Variants in SLC26A7 observed in about 807,000 individuals in gnomAD.
The protein encoded by SLC26A7 is solute carrier family 26 member 7.
Under a neutral mutation model 82.5 loss-of-function variants are expected in SLC26A7, and 59 were observed. That is an observed-to-expected ratio of 0.72 (90% confidence interval 0.58 to 0.89). The LOEUF is 0.89. Ranked by LOEUF, SLC26A7 falls within the 40% of genes least tolerant of loss-of-function variation. SLC26A7 has a pLI of 0.00. For missense variants in SLC26A7, 820 were observed against 793.0 expected (o/e 1.03, Z -0.41); for synonymous variants, 271 against 274.3 (o/e 0.99, Z 0.12).
chr8:91,276,415 A>G (rs1586352201), intron 2 of SLC26A7, among the ~76,000 whole-genome samples: 1 of 152,182 alleles, frequency 6.6e-6, no homozygotes, highest in African/African-American at 2.4e-5. Context: ...ATTGATTTTT[A>G]GTGTGGCGCT....
intron 2 of SLC26A7, among the ~76,000 whole-genome samples, chr8:91,285,292 T>G (rs1484218915): frequency 1.5e-5 from 2 of 134,802 alleles, no homozygotes; most frequent in Non-Finnish European, 3.3e-5. Context: ...TTCATCTTCA[T>G]GTGGCATTCA....
chr8:91,383,542 G>A (rs754248919), intron 15 of SLC26A7, among the ~76,000 whole-genome samples: 2 of 152,160 alleles, frequency 1.3e-5, no homozygotes, highest in African/African-American at 2.4e-5. Flanking sequence ...TTGTAGTTGA[G>A]CGCATGATAG....
chr8:91,394,886 A>G (rs1808526729), intron 18 of SLC26A7, 176 bp from the exon 19 acceptor site: 2 of 382,598 alleles, frequency 5.2e-6, no homozygotes, highest in Non-Finnish European at 7.2e-6. Flanking sequence ...TTGCAGAGTC[A>G]GCAGTTTGAG....
chr8:91,308,405 T>C (rs756972200), intron 4 of SLC26A7, among the ~76,000 whole-genome samples: 9 of 140,950 alleles, frequency 6.4e-5, no homozygotes, highest in South Asian at 2.1e-4. Context: ...CATCTGTCTA[T>C]GCAACCCTTT....
intron 4 of SLC26A7, among the ~76,000 whole-genome samples, chr8:91,301,739 A>G (rs1267524651): frequency 6.7e-6 from 1 of 149,802 alleles, no homozygotes; most frequent in Non-Finnish European, 1.5e-5. Context: ...ATTTACCATT[A>G]TTTTATTGTT....
At chr8:91,239,903 G>A (rs766820117) in intron 2 of SLC26A7, among the ~76,000 whole-genome samples, 25 of 152,088 alleles carry the variant, frequency 1.6e-4, no homozygotes, top group African/African-American at 2.9e-4. Context: ...ATTCCTTTAC[G>A]TTTTTAATGT....
At chr8:91,394,728 T>A in intron 18 of SLC26A7, 1 of 1,090,844 alleles carries the variant, frequency 9.2e-7, no homozygotes, top group Non-Finnish European at 1.1e-6. Flanking sequence ...AGTGCCCTCA[T>A]TATATTCCAG....
intron 9 of SLC26A7, among the ~76,000 whole-genome samples, chr8:91,344,436 G>C (rs1813505890): frequency 6.6e-6 from 1 of 152,112 alleles, no homozygotes; most frequent in Non-Finnish European, 1.5e-5. Context: ...AATCAAATGA[G>C]AACTTTTAAA....
At chr8:91,313,959 T>C (rs935785019) in intron 4 of SLC26A7, among the ~76,000 whole-genome samples, 47 of 152,226 alleles carry the variant, frequency 3.1e-4, no homozygotes, top group African/African-American at 1.1e-3. Flanking sequence ...GACTGAAATC[T>C]GAGATACATT....
chr8:91,289,172 T>C lies in SLC26A7; in HGVS notation c.230T>C (p.Val77Ala), dbSNP rs1811794225. ...GCTGTTCTCTCATCTGTGCACCCAG[T>C]GTTTGGTTTATATGGGTCTCTGTTT... is the stretch of plus-strand genomic sequence containing the variant. ...AFAVLSSVHP[V>A]FGLYGSLFPA... Residue 77 changes from valine (V) to alanine (A), a missense_variant, in exon 3 of 19, where the codon GTG becomes GCG. Physicochemically the swap from Val to Ala is moderately conservative, Grantham distance 64. Transcript: ENST00000276609. 1 of 1,613,932 alleles carries C rather than the reference T, an allele frequency of 6.2e-7. No homozygotes were observed. Among genetic ancestry groups the C allele is most frequent in the Non-Finnish European group, 8.5e-7 (1 of 1,179,968 alleles).
chr8:91,363,357 G>A (rs1814101629), intron 12 of SLC26A7, 115 bp from the exon 13 acceptor site: 1 of 583,294 alleles, frequency 1.7e-6, no homozygotes, highest in Admixed American at 3.4e-5. Flanking sequence ...TGAGTTATAG[G>A]ATATAAATCA....
chr8:91,323,408 C>T (rs1812845383), intron 5 of SLC26A7, among the ~76,000 whole-genome samples: 1 of 152,142 alleles, frequency 6.6e-6, no homozygotes, highest in Non-Finnish European at 1.5e-5. Context: ...CTCTCCATCC[C>T]TCACAATTCA....
intron 2 of SLC26A7, among the ~76,000 whole-genome samples, chr8:91,265,825 A>AT (rs1811096849): frequency 6.6e-6 from 1 of 151,952 alleles, no homozygotes; most frequent in South Asian, 2.1e-4. Context: ...AGTTCCTTCT[A>AT]TATTCCGAAT....
Position 91,389,384 on chromosome 8 carries a change from G to A in SLC26A7, c.1722G>A (p.Leu574=). The A allele has an allele frequency of 6.2e-7, 1 of 1,613,990 alleles. No individual in the cohort carries two copies. The highest frequency in any genetic ancestry group is 1.1e-5 in the South Asian group (1 of 91,072). Residue 574 remains leucine, a synonymous_variant, in exon 16 of 19, where the codon CTG becomes CTA. Transcript: ENST00000276609. ...SCPNEKCYLI[L]DCSGFTFFDY... ...CTAATGAGAAGTGTTATTTAATCCTGGATTGCAGTGGATTTACCTTTTTTG... is the reference window on the plus strand; with the variant it reads ...CTAATGAGAAGTGTTATTTAATCCTAGATTGCAGTGGATTTACCTTTTTTG...
intron 9 of SLC26A7, among the ~76,000 whole-genome samples, chr8:91,350,396 A>G (rs921945873): frequency 6.6e-6 from 1 of 151,418 alleles, no homozygotes; most frequent in South Asian, 2.1e-4. Context: ...TAATTTAGAT[A>G]TAGTAAAATT....
intron 4 of SLC26A7, 21 bp from the exon 5 acceptor site, chr8:91,318,195 A>T (rs753022702): frequency 3.2e-6 from 5 of 1,576,074 alleles, no homozygotes; most frequent in East Asian, 2.3e-5. Context: ...AGTTCATCTC[A>T]CTTCTCCCTT....
At chr8:91,356,579 A>T (rs950471054) in intron 11 of SLC26A7, among the ~76,000 whole-genome samples, 1 of 151,680 alleles carries the variant, frequency 6.6e-6, no homozygotes, top group Non-Finnish European at 1.5e-5. Context: ...TGGGGTTGTT[A>T]GTTGTTTTCT....
chr8:91,342,958 C>G (rs1039007074), intron 8 of SLC26A7: 1 of 158,702 alleles, frequency 6.3e-6, no homozygotes, highest in African/African-American at 2.4e-5. Flanking sequence ...AAGAAATGAG[C>G]AACTATGCCA....
chr8:91,348,343 C>T (rs1250740543), intron 9 of SLC26A7: 6 of 985,210 alleles, frequency 6.1e-6, no homozygotes, highest in Non-Finnish European at 2.4e-6. Context: ...CCTTCTTTGA[C>T]AACTGCTTAG....
Sources: gnomAD v4.1 joint callset for allele counts (sites outside exome capture counted in the v4.1 genomes callset) on GRCh38, gnomAD v4.1.1 for gene constraint, MANE v1.5 for transcripts, NCBI Gene and HGNC (gene_info 2026-07-23, HGNC 2026-07-21) for gene names.